Variants in MYRIP observed in about 807,000 individuals in gnomAD.
MYRIP encodes the protein rab effector MyRIP.
A neutral mutation model predicts 98.0 loss-of-function variants in MYRIP; 49 were observed. The ratio of observed to expected loss-of-function variants is 0.50; its 90% CI spans 0.40 to 0.63. The LOEUF (loss-of-function observed/expected upper bound fraction) is 0.63. MYRIP is among the 30% of genes least tolerant of loss of function. The pLI is 0.00. For missense variants in MYRIP, 1,004 were observed against 1,058.2 expected (o/e 0.95, Z 0.71); for synonymous variants, 404 against 409.5 (o/e 0.99, Z 0.16).
chr3:39,968,492 G>C (rs2125741188), intron 2 of MYRIP, among the ~76,000 whole-genome samples: 1 of 152,114 alleles, frequency 6.6e-6, no homozygotes, highest in East Asian at 1.9e-4. Flanking sequence ...ATCTTGAGTT[G>C]ATTTTTGTAT....
At chr3:39,932,860 T>C (rs572787068) in intron 2 of MYRIP, among the ~76,000 whole-genome samples, 1 of 152,334 alleles carries the variant, frequency 6.6e-6, no homozygotes, top group East Asian at 1.9e-4. Flanking sequence ...GGAGCCTCAC[T>C]TCTCAGAGAT....
At chr3:40,000,507 C>T (rs1946494256) in intron 2 of MYRIP, among the ~76,000 whole-genome samples, 1 of 152,110 alleles carries the variant, frequency 6.6e-6, no homozygotes, top group Non-Finnish European at 1.5e-5. Context: ...TTTGAAAATC[C>T]TTCGATTACT....
chr3:40,094,605 G>A (rs959770858), intron 3 of MYRIP, among the ~76,000 whole-genome samples: 3 of 152,134 alleles, frequency 2.0e-5, no homozygotes, highest in African/African-American at 7.2e-5. Flanking sequence ...GGTACCTGTG[G>A]CTATTCCTGC....
At chr3:39,991,651 A>T (rs183601677) in intron 2 of MYRIP, among the ~76,000 whole-genome samples, 13 of 152,250 alleles carry the variant, frequency 8.5e-5, no homozygotes, top group African/African-American at 2.4e-4. Context: ...TCTTCCTGCT[A>T]TACTCTTTCC....
intron 2 of MYRIP, among the ~76,000 whole-genome samples, chr3:39,985,471 T>TG (rs1448057848): frequency 8.1e-6 from 1 of 123,620 alleles, no homozygotes; most frequent in Non-Finnish European, 1.6e-5. Context: ...AAAGTTCATA[T>TG]GGAACCAAAA....
intron 12 of MYRIP, among the ~76,000 whole-genome samples, chr3:40,241,356 C>T (rs1346889357): frequency 6.6e-6 from 1 of 152,194 alleles, no homozygotes; most frequent in African/African-American, 2.4e-5. Flanking sequence ...TCCTACAACC[C>T]TTACAGCACT....
At chr3:40,172,238 T>C (rs571960526) in intron 8 of MYRIP, among the ~76,000 whole-genome samples, 1 of 152,266 alleles carries the variant, frequency 6.6e-6, no homozygotes, top group South Asian at 2.1e-4. Context: ...CAGGGGTATA[T>C]ATTTCAGTAA....
chr3:40,049,672 A>G (rs1575495643), intron 3 of MYRIP, among the ~76,000 whole-genome samples: 1 of 152,262 alleles, frequency 6.6e-6, no homozygotes, highest in East Asian at 1.9e-4. Context: ...CTCACTTTAA[A>G]TCAAAGTTAG....
In MYRIP at chr3:40,259,395, A is replaced by C. The variant is rs1953701417; in HGVS notation, c.*1229A>C. On this transcript the variant is annotated 3_prime_UTR_variant, in exon 17 of 17. Transcript: ENST00000302541. The stretch of plus-strand genomic sequence containing the variant: ...AAGGTAAAAGAAAGGAGGCAAGAGA[A>C]TAGTTATGATGAATATGTGTTAAGT... The C allele has an allele frequency of 6.6e-6, 1 of 152,228 alleles. No individual in the cohort carries two copies. The highest frequency in any genetic ancestry group is 1.9e-4 in the East Asian group (1 of 5,200). 9.4% of individuals were successfully genotyped at this position (152,228 alleles called of 1,614,324 possible).
chr3:40,125,700 G>A (rs882822), intron 3 of MYRIP, among the ~76,000 whole-genome samples: 124,203 of 152,048 alleles, frequency 0.82, 50,824 homozygotes, highest in South Asian at 0.88. Flanking sequence ...TGTAGGGATC[G>A]GAGAAATTGC....
In MYRIP at chr3:39,989,864, G is replaced by A. The variant is rs573435402; in HGVS notation, c.111-54186G>A. Reference sequence around the variant, plus strand: ...AAGCTGTCCAGCCTCCCCAGCTCCAGCAGGGGAAAAGCCTGGCCTGGAGCT... The same window carrying A: ...AAGCTGTCCAGCCTCCCCAGCTCCAACAGGGGAAAAGCCTGGCCTGGAGCT... On this transcript the variant is annotated intron_variant, in intron 2 of 16. Transcript: ENST00000302541. Among the ~76,000 whole-genome samples, 6 of 152,338 alleles carry A rather than the reference G, an allele frequency of 3.9e-5. No individual in the cohort carries two copies. The East Asian group carries it at 1.2e-3, about 29-fold the overall frequency.
intron 11 of MYRIP, among the ~76,000 whole-genome samples, chr3:40,227,730 A>T (rs900699317): frequency 6.6e-6 from 1 of 152,190 alleles, no homozygotes; most frequent in East Asian, 1.9e-4. Flanking sequence ...GGCACTCACC[A>T]GCATTGTGCC....
In MYRIP at chr3:39,873,213, T is replaced by C. The variant is rs561836983; in HGVS notation, c.-30-27574T>C. 2.6e-5 allele frequency among the ~76,000 whole-genome samples: 4 copies of C among 152,102 alleles called. No homozygotes were observed. In the East Asian group the frequency reaches 7.7e-4, roughly 29 times the overall value. On this transcript the variant is annotated intron_variant, in intron 1 of 16. Coordinates refer to ENST00000302541, the MANE Select transcript of MYRIP (RefSeq NM_015460.4). ...TGTTTTTTTCTTGTACATTTGTTTGTGTTCATTGTAGATTCTGGATATTAG... is the reference window on the plus strand; with the variant it reads ...TGTTTTTTTCTTGTACATTTGTTTGCGTTCATTGTAGATTCTGGATATTAG...
intron 3 of MYRIP, among the ~76,000 whole-genome samples, chr3:40,118,919 T>G (rs2125909043): frequency 6.6e-6 from 1 of 152,140 alleles, no homozygotes; most frequent in African/African-American, 2.4e-5. Context: ...TCATCCTTTT[T>G]TATGGCTGCA....
chr3:40,134,639 G>A lies in MYRIP; in HGVS notation c.333-16409G>A, dbSNP rs577282326. On this transcript the variant is annotated intron_variant, in intron 3 of 16. Coordinates refer to ENST00000302541, the MANE Select transcript of MYRIP (RefSeq NM_015460.4). The stretch of plus-strand genomic sequence containing the variant: ...CTAACTGGGAGGCACACCCCAGTAG[G>A]GGCGGACTGATGCCTCACACAGCCG... 9.2e-5 allele frequency among the ~76,000 whole-genome samples: 14 copies of A among 152,318 alleles called. No individual in the cohort carries two copies. The East Asian group carries it at 9.6e-4, about 10-fold the overall frequency.
chr3:40,247,214 T>C (rs975820533), intron 13 of MYRIP, among the ~76,000 whole-genome samples: 2 of 152,216 alleles, frequency 1.3e-5, no homozygotes, highest in East Asian at 3.8e-4. Context: ...CCATGTTTTA[T>C]GGCAGAAAAC....
At chr3:40,168,871 A>C (rs745876673) in intron 7 of MYRIP, among the ~76,000 whole-genome samples, 5 of 152,204 alleles carry the variant, frequency 3.3e-5, no homozygotes, top group Admixed American at 6.5e-5. Flanking sequence ...GCAGAGTCAC[A>C]CTAGAAAGTG....
intron 2 of MYRIP, among the ~76,000 whole-genome samples, chr3:39,952,736 CTTTA>C (rs1945056668): frequency 1.3e-5 from 2 of 152,162 alleles, no homozygotes; most frequent in South Asian, 4.1e-4. Context: ...TTTTCCCCCT[CTTTA>C]TTTATCTACG....
rs376884579 is a variant in MYRIP at position 40,065,518 on chromosome 3, C to G, written c.332+21247C>G. Among the ~76,000 whole-genome samples, 176 of 152,204 alleles carry G rather than the reference C, an allele frequency of 1.2e-3. 5 individuals are homozygous for G. The South Asian group carries it at 0.035, about 31-fold the overall frequency. ...GTGGATGTTGATATCAGTCTTGCAGCTTGCACCCCTCAAAACTGGAGCTTC... is the reference window on the plus strand; with the variant it reads ...GTGGATGTTGATATCAGTCTTGCAGGTTGCACCCCTCAAAACTGGAGCTTC... On this transcript the variant is annotated intron_variant, in intron 3 of 16. Coordinates refer to ENST00000302541, the MANE Select transcript of MYRIP (RefSeq NM_015460.4).
Sources: allele counts gnomAD v4.1 joint callset (sites outside exome capture counted in the v4.1 genomes callset), GRCh38; gene constraint gnomAD v4.1.1; transcripts MANE v1.5; gene names NCBI Gene and HGNC (gene_info 2026-07-23, HGNC 2026-07-21).